ATXN2: variants seen among roughly 807,000 people sequenced by gnomAD.
The protein encoded by ATXN2 is ataxin-2.
In ATXN2, 37 loss-of-function variants were observed where a neutral mutation model predicts 138.6. That is an observed-to-expected ratio of 0.27 (90% CI 0.21 to 0.35). The LOEUF is 0.35. Ranked by LOEUF, ATXN2 falls within the 10% of genes least tolerant of loss-of-function variation. The pLI, the probability that ATXN2 is intolerant of heterozygous loss-of-function variation, is 1.00. For missense variants in ATXN2, 1,216 were observed against 1,480.3 expected (o/e 0.82, Z 2.93); for synonymous variants, 549 against 543.7 (o/e 1.01, Z -0.13).
At chr12:111,564,290 T>A (rs1409908587) in intron 1 of ATXN2, among the ~76,000 whole-genome samples, 1 of 151,568 alleles carries the variant, frequency 6.6e-6, no homozygotes, top group African/African-American at 2.4e-5. Flanking sequence ...AAATACCTAA[T>A]GAATTAACAG....
chr12:111,590,982 G>A (rs765566902), intron 1 of ATXN2, among the ~76,000 whole-genome samples: 2 of 151,884 alleles, frequency 1.3e-5, no homozygotes, highest in Non-Finnish European at 2.9e-5. Context: ...TCTGCCTCCC[G>A]GGTTTCATGC....
chr12:111,464,369 G>T (rs946462721), intron 21 of ATXN2, among the ~76,000 whole-genome samples: 6 of 148,010 alleles, frequency 4.1e-5, no homozygotes, highest in African/African-American at 1.5e-4. Flanking sequence ...GTGTGTGTGT[G>T]TATAAAGCTG....
intron 5 of ATXN2, among the ~76,000 whole-genome samples, chr12:111,534,761 CA>C (rs1397722417): frequency 6.6e-6 from 1 of 152,074 alleles, no homozygotes; most frequent in Non-Finnish European, 1.5e-5. Flanking sequence ...GCTCTTCTTC[CA>C]ACCAAAGCCT....
intron 1 of ATXN2, among the ~76,000 whole-genome samples, chr12:111,594,562 TAAAAG>T (rs1461997183): frequency 6.6e-6 from 1 of 152,050 alleles, no homozygotes; most frequent in African/African-American, 2.4e-5. Context: ...TGAAAATCAC[TAAAAG>T]AAAAATATTT....
chr12:111,487,101 C>T (rs1877694710), intron 15 of ATXN2, among the ~76,000 whole-genome samples: 1 of 151,462 alleles, frequency 6.6e-6, no homozygotes, highest in Admixed American at 6.6e-5. Context: ...TTTTCCTTCA[C>T]AGAGTCCCAC....
At chr12:111,524,931 T>G (rs1294794871) in intron 6 of ATXN2, among the ~76,000 whole-genome samples, 1 of 152,190 alleles carries the variant, frequency 6.6e-6, no homozygotes, top group African/African-American at 2.4e-5. Context: ...CTACTTCTTA[T>G]TATTTATTTT....
intron 1 of ATXN2, among the ~76,000 whole-genome samples, chr12:111,577,920 G>A (rs965104388): frequency 6.6e-6 from 1 of 152,130 alleles, no homozygotes; most frequent in Non-Finnish European, 1.5e-5. Context: ...CTCTGGCCAG[G>A]TGCGGTGGCT....
chr12:111,509,722 G>A, intron 13 of ATXN2, 103 bp from the exon 14 acceptor site: 4 of 930,252 alleles, frequency 4.3e-6, no homozygotes, highest in Non-Finnish European at 6.5e-6. Flanking sequence ...TATAAGATCA[G>A]AAAATAATTT....
chr12:111,571,726 A>G (rs1883325190), intron 1 of ATXN2, among the ~76,000 whole-genome samples: 1 of 152,194 alleles, frequency 6.6e-6, no homozygotes, highest in South Asian at 2.1e-4. Flanking sequence ...TACACTGTAA[A>G]GAGCTTTTAG....
intron 1 of ATXN2, among the ~76,000 whole-genome samples, chr12:111,563,425 T>G (rs953533899): frequency 2.0e-5 from 3 of 152,154 alleles, no homozygotes; most frequent in Admixed American, 2.0e-4. Context: ...AATAACAGTT[T>G]GACACAATTA....
chr12:111,475,338 C>A (rs1343113176), intron 18 of ATXN2, among the ~76,000 whole-genome samples: 1 of 117,762 alleles, frequency 8.5e-6, no homozygotes, highest in Non-Finnish European at 1.6e-5. Context: ...AGCCAAGATT[C>A]CATCTCAAAA....
At chr12:111,514,364 A>T (rs1197764646) in intron 10 of ATXN2, among the ~76,000 whole-genome samples, 1 of 152,224 alleles carries the variant, frequency 6.6e-6, no homozygotes, top group Non-Finnish European at 1.5e-5. Context: ...CCAATCTATC[A>T]GGTAAAAGAG....
intron 1 of ATXN2, among the ~76,000 whole-genome samples, chr12:111,587,007 G>C (rs1039710433): frequency 1.3e-5 from 2 of 150,752 alleles, no homozygotes; most frequent in African/African-American, 4.9e-5. Context: ...GGCTAAAGCA[G>C]GAGGACAGTT....
At position 111,598,970 on chromosome 12, in the gene ATXN2, TGCTGCTGTTGCTGCTGCTGCTGC is replaced by T. The variant is rs1260606113; in HGVS notation, c.42_64del (p.Gln15AlafsTer67). The T allele has an allele frequency of 1.0e-5, 15 of 1,500,036 alleles. No individual in the cohort carries two copies. The highest frequency in any genetic ancestry group is 1.2e-5 in the South Asian group (1 of 80,442). 92.9% of individuals were successfully genotyped at this position (1,500,036 alleles called of 1,614,324 possible). A position where few individuals can be genotyped will look rare whatever the true frequency, so the allele number is the denominator to read the frequency against. On this transcript the variant is annotated frameshift_variant, in exon 1 of 25. Coordinates refer to ENST00000673436, the MANE Select transcript of ATXN2 (RefSeq NM_001372574.1). LOFTEE classifies it high-confidence loss of function. This position sits in a 1 kb window ranked among gnomAD's most constrained non-coding sequence, Gnocchi z 4.5. The stretch of plus-strand genomic sequence containing the variant: ...CGGCGGCTGCTGCTGCTGCTGCTGC[TGCTGCTGTTGCTGCTGCTGCTGC>T]TGCTGCTGCTGCTGCTGCTGCTGCT...
chr12:111,544,961 C>T (rs1392000635), intron 5 of ATXN2, among the ~76,000 whole-genome samples: 1 of 151,954 alleles, frequency 6.6e-6, no homozygotes, highest in African/African-American at 2.4e-5. Flanking sequence ...AGATCGAGAC[C>T]ATCCTAGCTA....
intron 18 of ATXN2, among the ~76,000 whole-genome samples, chr12:111,474,390 T>A (rs1055745804): frequency 1.4e-5 from 2 of 144,180 alleles, no homozygotes; most frequent in African/African-American, 2.6e-5. Flanking sequence ...ATGGTGAGAC[T>A]CTGTCTCAAA....
chr12:111,554,212 A>C lies in ATXN2; in HGVS notation c.294T>G (p.Ser98=). The change falls in exon 3 of 25, where the codon TCT becomes TCG. Residue 98 remains serine (S), a synonymous_variant. Coordinates refer to ENST00000673436, the MANE Select transcript of ATXN2 (RefSeq NM_001372574.1). ...SNKGLPQSTI[S]FDGIYANMRM... ...TCATATTTGCATAGATTCCATCAAA[A>C]GAAATCTGGAATATTAAAAAAAAAA... 9 of 1,439,002 alleles carry C rather than the reference A, an allele frequency of 6.3e-6. No individual in the cohort carries two copies. The highest frequency in any genetic ancestry group is 6.5e-6 in the Non-Finnish European group (7 of 1,078,890). The allele number at this position is 1,439,002 out of a possible 1,614,324, so 89.1% of individuals were successfully genotyped here.
In ATXN2 at chr12:111,452,714, A is replaced by G; in HGVS notation, c.*98T>C. On this transcript the variant is annotated 3_prime_UTR_variant, in exon 25 of 25. Transcript: ENST00000673436. ...CAAGAAATCAACATATATATTTTAA[A>G]AACAAAATAAATGAAATTCTAGTTT... 1 of 1,330,896 alleles carries G rather than the reference A, an allele frequency of 7.5e-7. No homozygotes were observed. The allele number at this position is 1,330,896 out of a possible 1,614,324, so 82.4% of individuals were successfully genotyped here.
chr12:111,577,398 T>A (rs1566076091), intron 1 of ATXN2, among the ~76,000 whole-genome samples: 1 of 151,992 alleles, frequency 6.6e-6, no homozygotes, highest in Non-Finnish European at 1.5e-5. Context: ...CCCGAGTAGC[T>A]GGGATTACAG....
Sources: allele counts gnomAD v4.1 joint callset (sites outside exome capture counted in the v4.1 genomes callset), GRCh38; gene constraint gnomAD v4.1.1; non-coding constraint Gnocchi (gnomAD v3.1); transcripts MANE v1.5; gene names NCBI Gene and HGNC (gene_info 2026-07-23, HGNC 2026-07-21).